Variants in PTCHD4 observed in about 807,000 individuals in gnomAD.
PTCHD4 encodes the protein patched domain containing 4.
PTCHD4 carries 33 observed loss-of-function variants against 58.1 expected under a neutral mutation model. The observed-to-expected ratio is 0.57, with a 90% confidence interval of 0.43 to 0.76. The LOEUF (loss-of-function observed/expected upper bound fraction) is 0.76. Among genes scored for constraint, PTCHD4 ranks in the 30% least tolerant of loss-of-function variants. The pLI, the probability that PTCHD4 is intolerant of heterozygous loss-of-function variation, is 0.00. For missense variants in PTCHD4, 1,058 were observed against 1,027.1 expected, an observed-to-expected ratio of 1.03 and a Z score of -0.41; for synonymous variants, 478 against 409.6, an observed-to-expected ratio of 1.17 and a Z score of -2.02.
intron 1 of PTCHD4, among the ~76,000 whole-genome samples, chr6:48,084,049 A>C (rs996459218): frequency 3.9e-5 from 6 of 151,956 alleles, no homozygotes; most frequent in East Asian, 1.9e-4. Context: ...TAAAAAAAAA[A>C]CCTCCTATAT....
At chr6:47,949,656 C>CT (rs1419079680) in intron 4 of PTCHD4, among the ~76,000 whole-genome samples, 5 of 151,980 alleles carry the variant, frequency 3.3e-5, no homozygotes, top group Non-Finnish European at 5.9e-5. Context: ...GTCTCTCTCT[C>CT]TTTTTTTCCC....
intron 3 of PTCHD4, among the ~76,000 whole-genome samples, chr6:48,050,018 A>G (rs1055591054): frequency 6.6e-6 from 1 of 152,000 alleles, no homozygotes; most frequent in Non-Finnish European, 1.5e-5. Flanking sequence ...TTCGATTTCT[A>G]GCCTGTTAAT....
At chr6:47,967,127 C>A (rs149084818) in intron 4 of PTCHD4, among the ~76,000 whole-genome samples, 2 of 152,138 alleles carry the variant, frequency 1.3e-5, no homozygotes, top group Admixed American at 6.5e-5. Flanking sequence ...AATAATAAGA[C>A]TTGAAGGTCA....
At chr6:47,894,102 G>T (rs1383500821) in intron 4 of PTCHD4, among the ~76,000 whole-genome samples, 2 of 152,184 alleles carry the variant, frequency 1.3e-5, no homozygotes, top group African/African-American at 4.8e-5. Flanking sequence ...AGCCCATGGG[G>T]CAGGAAGACC....
chr6:47,960,943 C>T (rs1767063212), intron 4 of PTCHD4, among the ~76,000 whole-genome samples: 1 of 147,030 alleles, frequency 6.8e-6, no homozygotes, highest in African/African-American at 2.5e-5. Flanking sequence ...ATTGTCTTGA[C>T]CTAGCTGCCT....
intron 4 of PTCHD4, among the ~76,000 whole-genome samples, chr6:47,928,558 T>C (rs935578726): frequency 3.3e-5 from 5 of 152,250 alleles, no homozygotes; most frequent in Non-Finnish European, 7.3e-5. Flanking sequence ...ACATTCTTTC[T>C]GTAAGAATTC....
intron 4 of PTCHD4, among the ~76,000 whole-genome samples, chr6:47,935,311 G>T (rs534631367): frequency 2.6e-5 from 4 of 152,134 alleles, no homozygotes; most frequent in Admixed American, 1.3e-4. Flanking sequence ...TGTATTTAGA[G>T]GTGTGTTCTT....
chr6:47,878,140 T>TC lies in PTCHD4; in HGVS notation c.*162dup, dbSNP rs1329127165. 2 of 561,894 alleles carry TC rather than the reference T, an allele frequency of 3.6e-6. No individual in the cohort carries two copies. The highest frequency in any genetic ancestry group is 2.8e-5 in the East Asian group (1 of 35,416). 34.8% of individuals were successfully genotyped at this position (561,894 alleles called of 1,614,324 possible). A position where few individuals can be genotyped will look rare whatever the true frequency, so the allele number is the denominator to read the frequency against. ...TTTTTCCTCTTTTTTTATTCCCTCT[T>TC]CCCCCCAAGAAGCAGGCACCTTGAA... On this transcript the variant is annotated 3_prime_UTR_variant, in exon 5 of 5. Transcript: ENST00000339488.
In PTCHD4 at chr6:47,865,963, T is replaced by C. The variant is rs1047755316; in HGVS notation, c.*12340A>G. Among the ~76,000 whole-genome samples the C allele has an allele frequency of 2.0e-5, 3 of 151,840 alleles. No individual in the cohort carries two copies. The highest frequency in any genetic ancestry group is 4.4e-5 in the Non-Finnish European group (3 of 67,864). On this transcript the variant is annotated 3_prime_UTR_variant, in exon 5 of 5. Transcript: ENST00000339488. ...TGACCCAGGAACATATTCTGTGCTT[T>C]TGTTGCATGTTATGGCTTTGCTCAG...
chr6:48,010,402 CAT>C (rs1319652006), intron 3 of PTCHD4, among the ~76,000 whole-genome samples: 1 of 152,122 alleles, frequency 6.6e-6, no homozygotes, highest in East Asian at 1.9e-4. Context: ...CTAGCAGACA[CAT>C]GTCTTAATTC....
intron 3 of PTCHD4, among the ~76,000 whole-genome samples, chr6:48,053,731 G>T (rs893445087): frequency 7.9e-5 from 12 of 152,102 alleles, no homozygotes; most frequent in African/African-American, 2.9e-4. Context: ...CATCTTAGGA[G>T]CATAGCAAAT....
intron 4 of PTCHD4, among the ~76,000 whole-genome samples, chr6:47,942,105 T>C (rs751743518): frequency 2.6e-4 from 40 of 152,230 alleles, no homozygotes; most frequent in Non-Finnish European, 4.8e-4. Flanking sequence ...ACCTTGTTCA[T>C]GTGCTTTAAC....
chr6:48,010,189 G>A (rs551650195), intron 3 of PTCHD4, among the ~76,000 whole-genome samples: 2 of 152,192 alleles, frequency 1.3e-5, no homozygotes, highest in Non-Finnish European at 1.5e-5. Flanking sequence ...TCAAGTACCA[G>A]GTGAGAGACA....
chr6:47,895,226 G>C (rs1764497929), intron 4 of PTCHD4, among the ~76,000 whole-genome samples: 1 of 152,156 alleles, frequency 6.6e-6, no homozygotes, highest in African/African-American at 2.4e-5. Flanking sequence ...TGGACCCCAG[G>C]GAAAGATGAG....
Position 48,009,191 on chromosome 6 carries a change from G to A in PTCHD4, c.418-77C>T. On this transcript the variant is annotated intron_variant, in intron 3 of 4. Coordinates refer to ENST00000339488, the MANE Select transcript of PTCHD4 (RefSeq NM_001384253.1). Reference sequence around the variant, plus strand: ...ATAGATTCTTACTCTAAGTGAAGGAGCACAAGGAAGGCAGAGATAGGTGCT... The same window carrying A: ...ATAGATTCTTACTCTAAGTGAAGGAACACAAGGAAGGCAGAGATAGGTGCT... 2.8e-6 allele frequency: 4 copies of A among 1,429,526 alleles called. No individual in the cohort carries two copies. In the South Asian group the frequency reaches 4.4e-5, roughly 16 times the overall value. The allele number at this position is 1,429,526 out of a possible 1,614,324, so 88.6% of individuals were successfully genotyped here. A position where few individuals can be genotyped will look rare whatever the true frequency, so the allele number is the denominator to read the frequency against.
At chr6:47,997,834 C>T (rs879908222) in intron 4 of PTCHD4, among the ~76,000 whole-genome samples, 1 of 152,156 alleles carries the variant, frequency 6.6e-6, no homozygotes, top group African/African-American at 2.4e-5. Context: ...TAAGGTTGGC[C>T]TCTGGGACCA....
chr6:47,986,145 T>C (rs1214197713), intron 4 of PTCHD4, among the ~76,000 whole-genome samples: 1 of 152,182 alleles, frequency 6.6e-6, no homozygotes, highest in Non-Finnish European at 1.5e-5. Context: ...GGAGGGATAA[T>C]GTGCTTAGTA....
intron 4 of PTCHD4, among the ~76,000 whole-genome samples, chr6:47,964,594 C>T (rs1018810043): frequency 6.6e-6 from 1 of 151,864 alleles, no homozygotes; most frequent in Non-Finnish European, 1.5e-5. Flanking sequence ...TTTATTTTTT[C>T]CTTTTAGAAA....
chr6:47,912,673 TTGA>T (rs1354974454), intron 4 of PTCHD4, among the ~76,000 whole-genome samples: 1 of 152,144 alleles, frequency 6.6e-6, no homozygotes, highest in Non-Finnish European at 1.5e-5. Flanking sequence ...GGATCAATAA[TTGA>T]TGAACTGTAA....
Sources: gnomAD v4.1 joint callset for allele counts (sites outside exome capture counted in the v4.1 genomes callset) on GRCh38, gnomAD v4.1.1 for gene constraint, MANE v1.5 for transcripts, NCBI Gene and HGNC (gene_info 2026-07-23, HGNC 2026-07-21) for gene names.